The following KIF6 variants were observed in gnomAD, a reference collection of about 807,000 sequenced individuals.
KIF6 encodes kinesin-like protein KIF6.
KIF6 carries 106 observed loss-of-function variants against 112.7 expected under a neutral mutation model. That is an observed-to-expected ratio of 0.94 (90% confidence interval 0.80 to 1.11). The LOEUF (loss-of-function observed/expected upper bound fraction) is 1.11. Among genes scored for constraint, KIF6 ranks in the 50% least tolerant of loss-of-function variants. The probability of loss-of-function intolerance (pLI) is 0.00; values close to 1 mark genes in which losing one functional copy is unlikely to be tolerated. For synonymous variants in KIF6, 339 were observed against 339.9 expected (o/e 1.00, Z 0.03); for missense variants, 929 against 964.0 (o/e 0.96, Z 0.48).
At chr6:39,676,027 A>G (rs1787117591) in intron 3 of KIF6, among the ~76,000 whole-genome samples, 2 of 150,660 alleles carry the variant, frequency 1.3e-5, no homozygotes, top group South Asian at 4.2e-4. Context: ...AGTTACAGAA[A>G]TAGGCACTAC....
chr6:39,531,376 G>C (rs958563239), intron 13 of KIF6, among the ~76,000 whole-genome samples: 1 of 152,170 alleles, frequency 6.6e-6, no homozygotes, highest in Non-Finnish European at 1.5e-5. Flanking sequence ...ATAAGATGCT[G>C]TGGGGAAGAA....
intron 15 of KIF6, among the ~76,000 whole-genome samples, chr6:39,416,249 C>T (rs1325114445): frequency 6.6e-6 from 1 of 152,210 alleles, no homozygotes; most frequent in Non-Finnish European, 1.5e-5. Context: ...AAACTAATGC[C>T]TGGATTCTAG....
chr6:39,537,449 G>C (rs1453733520), intron 13 of KIF6, among the ~76,000 whole-genome samples: 1 of 151,922 alleles, frequency 6.6e-6, no homozygotes, highest in Non-Finnish European at 1.5e-5. Flanking sequence ...CAAATCATGA[G>C]TGAACTCCCA....
chr6:39,694,772 C>A (rs930465868), intron 3 of KIF6, among the ~76,000 whole-genome samples: 8 of 152,094 alleles, frequency 5.3e-5, no homozygotes, highest in Non-Finnish European at 1.2e-4. Context: ...AACACTTTTC[C>A]TATCAAATTA....
chr6:39,360,354 C>T, intron 18 of KIF6, 41 bp downstream of exon 18: 2 of 1,610,596 alleles, frequency 1.2e-6, no homozygotes, highest in Non-Finnish European at 1.7e-6. Flanking sequence ...GGCTGCATGA[C>T]TGGCCCCTCC....
chr6:39,656,530 C>A (rs1272296642), intron 3 of KIF6, among the ~76,000 whole-genome samples: 1 of 152,192 alleles, frequency 6.6e-6, no homozygotes, highest in Non-Finnish European at 1.5e-5. Context: ...ATGAGGCTTT[C>A]CATAACCTGG....
intron 13 of KIF6, among the ~76,000 whole-genome samples, chr6:39,470,777 G>A (rs1307427502): frequency 6.9e-6 from 1 of 145,708 alleles, no homozygotes; most frequent in Non-Finnish European, 1.6e-5. Context: ...CCCTGAGCAG[G>A]ACTGGCCTTC....
At chr6:39,356,039 C>T (rs1562125069) in intron 19 of KIF6, among the ~76,000 whole-genome samples, 1 of 152,084 alleles carries the variant, frequency 6.6e-6, no homozygotes, top group Non-Finnish European at 1.5e-5. Flanking sequence ...CTTTACATCT[C>T]GGTGGTGTGT....
At position 39,345,448 on chromosome 6, in the gene KIF6, A is replaced by G. The variant is rs186588917; in HGVS notation, c.2321+252T>C. Among the ~76,000 whole-genome samples the G allele has an allele frequency of 2.7e-3, 407 of 152,256 alleles. 2 individuals carry two copies. Among genetic ancestry groups the G allele is most frequent in the Non-Finnish European group, 4.3e-3 (295 of 68,020 alleles). ...CCCTTTCTGGCCCCCAGGTACGTCT[A>G]TTCACAAGAAGATATGAAACAACTC... On this transcript the variant is annotated intron_variant, in intron 21 of 22. Transcript: ENST00000287152.
intron 13 of KIF6, among the ~76,000 whole-genome samples, chr6:39,506,864 A>G (rs971660446): frequency 4.6e-5 from 7 of 152,108 alleles, no homozygotes; most frequent in African/African-American, 1.7e-4. Context: ...TTAGAGATTG[A>G]GTTAAGAGCT....
chr6:39,544,514 C>A (rs754184665), intron 12 of KIF6, 41 bp downstream of exon 12: 8 of 1,590,128 alleles, frequency 5.0e-6, no homozygotes, highest in South Asian at 1.2e-5. Flanking sequence ...CCCTTTCAAA[C>A]CAGGATAGAG....
intron 13 of KIF6, among the ~76,000 whole-genome samples, chr6:39,503,849 G>GAAAAAAA (rs772144009): frequency 3.9e-4 from 32 of 81,736 alleles, no homozygotes; most frequent in South Asian, 8.7e-4. Flanking sequence ...CAACCAACCA[G>GAAAAAAA]AAAAAAAAAA....
At chr6:39,723,738 C>G (rs1209093129) in intron 1 of KIF6, among the ~76,000 whole-genome samples, 1 of 152,098 alleles carries the variant, frequency 6.6e-6, no homozygotes, top group Non-Finnish European at 1.5e-5. Flanking sequence ...ACCCTGGGGC[C>G]TGTCGTGGGG....
chr6:39,430,726 TC>T (rs752595227), intron 14 of KIF6, among the ~76,000 whole-genome samples: 2 of 152,096 alleles, frequency 1.3e-5, no homozygotes, highest in South Asian at 2.1e-4. Flanking sequence ...ATAGACTTTT[TC>T]CCCCCTCCTT....
chr6:39,389,335 C>G (rs28475808), intron 15 of KIF6, among the ~76,000 whole-genome samples: 1 of 152,116 alleles, frequency 6.6e-6, no homozygotes, highest in Non-Finnish European at 1.5e-5. Flanking sequence ...TATTCACTTA[C>G]GACTCCCTGA....
At chr6:39,429,813 C>T (rs1196485580) in intron 14 of KIF6, among the ~76,000 whole-genome samples, 1 of 151,868 alleles carries the variant, frequency 6.6e-6, no homozygotes, top group Non-Finnish European at 1.5e-5. Flanking sequence ...GAGGCTGAGG[C>T]AGGAGAATCG....
intron 3 of KIF6, among the ~76,000 whole-genome samples, chr6:39,714,181 C>A (rs925202310): frequency 6.6e-6 from 1 of 152,156 alleles, no homozygotes; most frequent in South Asian, 2.1e-4. Flanking sequence ...TAGTAGTCAG[C>A]AGCCTAGAAT....
intron 8 of KIF6, among the ~76,000 whole-genome samples, chr6:39,585,402 C>A (rs1004126001): frequency 6.6e-6 from 1 of 152,202 alleles, no homozygotes; most frequent in Admixed American, 6.5e-5. Flanking sequence ...CACCACCACT[C>A]ACCTCCTGCT....
intron 13 of KIF6, among the ~76,000 whole-genome samples, chr6:39,539,220 TAATAA>T (rs1247181504): frequency 1.3e-5 from 2 of 150,866 alleles, no homozygotes; most frequent in East Asian, 1.9e-4. Context: ...AGTATAATAA[TAATAA>T]AATAAAATTA....
Sources: allele counts gnomAD v4.1 joint callset (sites outside exome capture counted in the v4.1 genomes callset), GRCh38; gene constraint gnomAD v4.1.1; transcripts MANE v1.5; gene names NCBI Gene and HGNC (gene_info 2026-07-23, HGNC 2026-07-21).